Variants in VAV3 observed in about 807,000 individuals in gnomAD.
The protein encoded by VAV3 is guanine nucleotide exchange factor VAV3.
A neutral mutation model predicts 131.2 loss-of-function variants in VAV3; 94 were observed. The ratio of observed to expected loss-of-function variants is 0.72; its 90% CI spans 0.61 to 0.85. VAV3 has a LOEUF of 0.85. Among genes scored for constraint, VAV3 ranks in the 40% least tolerant of loss-of-function variants. The pLI is 0.00. For missense variants in VAV3, 939 were observed against 1,002.7 expected, an observed-to-expected ratio of 0.94 and a Z score of 0.86; for synonymous variants, 349 against 342.0, an observed-to-expected ratio of 1.02 and a Z score of -0.22.
intron 2 of VAV3, among the ~76,000 whole-genome samples, chr1:107,812,444 T>A (rs1237272755): frequency 6.6e-6 from 1 of 152,166 alleles, no homozygotes; most frequent in Non-Finnish European, 1.5e-5. Context: ...TATCATTTTT[T>A]AAGCTGATTT....
chr1:107,786,998 C>T (rs964082574), intron 2 of VAV3, among the ~76,000 whole-genome samples: 14 of 152,186 alleles, frequency 9.2e-5, no homozygotes, highest in Non-Finnish European at 1.9e-4. Flanking sequence ...CACATACACA[C>T]ATACACACAC....
At chr1:107,621,081 CA>C (rs1653560170) in intron 20 of VAV3, among the ~76,000 whole-genome samples, 1 of 123,676 alleles carries the variant, frequency 8.1e-6, no homozygotes, top group South Asian at 2.9e-4. Context: ...GTCATCATAT[CA>C]AAACTCATTT....
At chr1:107,635,387 G>A (rs1012411270) in intron 20 of VAV3, among the ~76,000 whole-genome samples, 6 of 146,186 alleles carry the variant, frequency 4.1e-5, no homozygotes, top group Non-Finnish European at 7.4e-5. Context: ...ACCAAACACC[G>A]CATGTTCTCA....
chr1:107,690,103 A>C (rs1659325340), intron 17 of VAV3, among the ~76,000 whole-genome samples: 1 of 152,216 alleles, frequency 6.6e-6, no homozygotes, highest in South Asian at 2.1e-4. Flanking sequence ...TTTTGGGTTC[A>C]GTGTTCATAA....
At position 107,760,444 on chromosome 1, in the gene VAV3, G is replaced by A. The variant is rs533278935; in HGVS notation, c.1017+340C>T. Among the ~76,000 whole-genome samples the A allele has an allele frequency of 7.0e-4, 106 of 152,284 alleles. 1 individual carries two copies. The highest frequency in any genetic ancestry group is 2.5e-3 in the African/African-American group (102 of 41,566). On this transcript the variant is annotated intron_variant, in intron 10 of 26. Coordinates refer to ENST00000370056, the MANE Select transcript of VAV3 (RefSeq NM_006113.5). ...ATATGATTAATCTGCCAAAATTCAAGTGCACTGCAATATTGAGGTGCTCAT... is the reference window on the plus strand; with the variant it reads ...ATATGATTAATCTGCCAAAATTCAAATGCACTGCAATATTGAGGTGCTCAT...
At chr1:107,650,061 G>A (rs1266032618) in intron 19 of VAV3, among the ~76,000 whole-genome samples, 1 of 152,056 alleles carries the variant, frequency 6.6e-6, no homozygotes, top group African/African-American at 2.4e-5. Context: ...AAGACAGTAG[G>A]CATTTGGGAG....
At chr1:107,841,576 T>C (rs1377414110) in intron 2 of VAV3, among the ~76,000 whole-genome samples, 1 of 152,204 alleles carries the variant, frequency 6.6e-6, no homozygotes, top group African/African-American at 2.4e-5. Flanking sequence ...TTAAAATAGG[T>C]ATCATTAACA....
chr1:107,629,576 C>T (rs1654294261), intron 20 of VAV3, among the ~76,000 whole-genome samples: 1 of 151,996 alleles, frequency 6.6e-6, no homozygotes, highest in Non-Finnish European at 1.5e-5. Flanking sequence ...ATATTCATTT[C>T]ACTTGAAGGC....
chr1:107,642,716 G>T lies in VAV3; in HGVS notation c.1817C>A (p.Thr606Lys), dbSNP rs1655438944. 5 of 1,613,358 alleles carry T rather than the reference G, an allele frequency of 3.1e-6. No homozygotes were observed. The highest frequency in any genetic ancestry group is 1.7e-5 in the Admixed American group (1 of 59,898). ...TCCTTCATGCAGAGCTGGGGGTGGT[G>T]TTCCAGAATAGTTCCTAATGACCTG... is the stretch of plus-strand genomic sequence containing the variant. ...KMQVIRNYSGTPPPALHEGPP... is the reference protein window; with the variant it reads ...KMQVIRNYSGKPPPALHEGPP... Residue 606 changes from threonine (T) to lysine (K), a missense_variant, in exon 20 of 27, where the codon ACA becomes AAA. Coordinates refer to ENST00000370056, the MANE Select transcript of VAV3 (RefSeq NM_006113.5).
At chr1:107,598,156 C>A (rs1651538407) in intron 24 of VAV3, among the ~76,000 whole-genome samples, 2 of 152,108 alleles carry the variant, frequency 1.3e-5, no homozygotes, top group Admixed American at 6.5e-5. Flanking sequence ...GAGTTTGAGA[C>A]CAACGTGGCC....
chr1:107,576,983 G>A (rs1032830761), intron 25 of VAV3, among the ~76,000 whole-genome samples: 2 of 151,226 alleles, frequency 1.3e-5, no homozygotes, highest in South Asian at 2.2e-4. Context: ...GAAAAGTGCA[G>A]TTAGAAATGA....
intron 15 of VAV3, among the ~76,000 whole-genome samples, chr1:107,743,166 A>G (rs1428680775): frequency 6.6e-6 from 1 of 152,198 alleles, no homozygotes; most frequent in African/African-American, 2.4e-5. Flanking sequence ...CTTCCATCCT[A>G]GCGAAAACTC....
At chr1:107,691,196 G>C (rs1659401386) in intron 17 of VAV3, among the ~76,000 whole-genome samples, 2 of 152,088 alleles carry the variant, frequency 1.3e-5, no homozygotes, top group Admixed American at 1.3e-4. Flanking sequence ...TAAAATAATG[G>C]TAAGGAGAGA....
chr1:107,573,417 G>A, intron 26 of VAV3, 45 bp from the exon 27 acceptor site: 6 of 1,610,794 alleles, frequency 3.7e-6, no homozygotes, highest in Non-Finnish European at 5.1e-6. Context: ...CTTTGTATCT[G>A]ACACTTCAAA....
intron 22 of VAV3, 122 bp from the exon 23 acceptor site, chr1:107,603,285 A>C (rs1652009408): frequency 1.4e-6 from 1 of 693,660 alleles, no homozygotes; most frequent in Admixed American, 2.5e-5. Context: ...ATTCTATACT[A>C]ATTACATTGT....
chr1:107,767,161 T>G (rs888750112), intron 7 of VAV3, among the ~76,000 whole-genome samples: 24 of 152,148 alleles, frequency 1.6e-4, no homozygotes, highest in African/African-American at 5.1e-4. Flanking sequence ...TTACTTGAAA[T>G]CAGGCAACTA....
At chr1:107,765,728 G>A (rs1470925725) in intron 8 of VAV3, among the ~76,000 whole-genome samples, 2 of 152,078 alleles carry the variant, frequency 1.3e-5, no homozygotes, top group Admixed American at 6.6e-5. Context: ...CCCACTTCAG[G>A]GAAGGTATCT....
At chr1:107,848,166 AG>A (rs1669053455) in intron 2 of VAV3, among the ~76,000 whole-genome samples, 1 of 152,042 alleles carries the variant, frequency 6.6e-6, no homozygotes, top group African/African-American at 2.4e-5. Flanking sequence ...ACAAAAAATT[AG>A]TTGGGCATGG....
At chr1:107,690,550 T>C (rs1176290730) in intron 17 of VAV3, among the ~76,000 whole-genome samples, 1 of 152,160 alleles carries the variant, frequency 6.6e-6, no homozygotes, top group Admixed American at 6.6e-5. Flanking sequence ...GGGAACAAAC[T>C]AGACTTAGCT....
Sources: gnomAD v4.1 joint callset for allele counts (sites outside exome capture counted in the v4.1 genomes callset) on GRCh38, gnomAD v4.1.1 for gene constraint, MANE v1.5 for transcripts, NCBI Gene and HGNC (gene_info 2026-07-23, HGNC 2026-07-21) for gene names.